Variants in DOCK4 observed in about 807,000 individuals in gnomAD.
The protein encoded by DOCK4 is dedicator of cytokinesis 4, also known as dedicator of cytokinesis protein 4.
A neutral mutation model predicts 268.1 loss-of-function variants in DOCK4; 97 were observed. The ratio of observed to expected loss-of-function variants is 0.36; its 90% CI spans 0.31 to 0.43. The LOEUF (loss-of-function observed/expected upper bound fraction) is 0.43, where lower values mean the gene tolerates loss of function less well. Among genes scored for constraint, DOCK4 ranks in the 20% least tolerant of loss-of-function variants. The pLI is 1.00. For missense variants in DOCK4, 2,145 were observed against 2,455.7 expected (o/e 0.87, Z 2.67); for synonymous variants, 954 against 887.2 (o/e 1.08, Z -1.34).
chr7:112,136,112 G>C (rs895431172), intron 1 of DOCK4, among the ~76,000 whole-genome samples: 4 of 152,076 alleles, frequency 2.6e-5, no homozygotes, highest in Non-Finnish European at 4.4e-5. Flanking sequence ...CAGAAGTTTT[G>C]GCCTCAGTGT....
chr7:111,765,989 A>G (rs1220452360), intron 38 of DOCK4, among the ~76,000 whole-genome samples: 1 of 152,160 alleles, frequency 6.6e-6, no homozygotes, highest in Admixed American at 6.6e-5. Flanking sequence ...GGTTTATAAA[A>G]ATCTTAGTGA....
rs79290231 is a variant in DOCK4, at chr7:111,795,087, A to G, written c.3167-4482T>C. Among the ~76,000 whole-genome samples, 1,018 of 152,130 alleles carry G rather than the reference A, an allele frequency of 6.7e-3. 8 individuals carry two copies. The highest frequency in any genetic ancestry group is 0.01 in the Non-Finnish European group (709 of 68,008). ...TGTGTCATTTGTCCCATATTAATCC[A>G]TCATTCCATGTGGTTGGGATGGGGT... On this transcript the variant is annotated intron_variant, in intron 30 of 52. Transcript: ENST00000428084.
chr7:111,837,857 C>T (rs1439339774), intron 25 of DOCK4, among the ~76,000 whole-genome samples: 15 of 151,980 alleles, frequency 9.9e-5, no homozygotes, highest in East Asian at 7.8e-4. Flanking sequence ...GAGGCTGAGG[C>T]GGGTGAGTCA....
chr7:112,098,657 A>G (rs1810377596), intron 1 of DOCK4, among the ~76,000 whole-genome samples: 1 of 149,598 alleles, frequency 6.7e-6, no homozygotes, highest in Admixed American at 6.7e-5. Flanking sequence ...ATGTAAAATT[A>G]TGTGTAATTT....
At chr7:111,767,481 T>G (rs1311377893) in intron 37 of DOCK4, among the ~76,000 whole-genome samples, 2 of 152,078 alleles carry the variant, frequency 1.3e-5, no homozygotes, top group African/African-American at 2.4e-5. Flanking sequence ...CGCCTCGGCC[T>G]CCCAAAGTGC....
At chr7:112,113,290 T>G (rs1811831820) in intron 1 of DOCK4, among the ~76,000 whole-genome samples, 1 of 152,136 alleles carries the variant, frequency 6.6e-6, no homozygotes, top group African/African-American at 2.4e-5. Flanking sequence ...ACTAGGACCC[T>G]GGTAAAACAG....
intron 27 of DOCK4, chr7:111,819,579 ACT>A (rs1025990655): frequency 2.0e-5 from 3 of 152,204 alleles, no homozygotes; most frequent in African/African-American, 7.2e-5. Flanking sequence ...CTGGTCACAA[ACT>A]CTGGCAGAGC....
chr7:111,814,710 G>A (rs1236449358), intron 27 of DOCK4, among the ~76,000 whole-genome samples: 1 of 152,100 alleles, frequency 6.6e-6, no homozygotes, highest in African/African-American at 2.4e-5. Flanking sequence ...CTGACTTCTG[G>A]AATATTAGGA....
At chr7:112,188,803 A>C (rs1002929270) in intron 1 of DOCK4, among the ~76,000 whole-genome samples, 1 of 152,238 alleles carries the variant, frequency 6.6e-6, no homozygotes, top group Non-Finnish European at 1.5e-5. Context: ...TTGTTGTTCA[A>C]ATAAATGCTC....
chr7:112,087,917 T>A (rs906016677), intron 1 of DOCK4, among the ~76,000 whole-genome samples: 3 of 152,104 alleles, frequency 2.0e-5, no homozygotes, highest in Non-Finnish European at 2.9e-5. Flanking sequence ...AGATTTGTAA[T>A]TACTACTCCA....
chr7:111,913,471 G>A (rs1161049395), intron 13 of DOCK4, among the ~76,000 whole-genome samples: 27 of 147,458 alleles, frequency 1.8e-4, no homozygotes, highest in African/African-American at 4.3e-4. Flanking sequence ...GTGCAGTGGC[G>A]CGATCTCCGC....
chr7:112,192,023 A>G (rs1448288925), intron 1 of DOCK4, among the ~76,000 whole-genome samples: 1 of 148,426 alleles, frequency 6.7e-6, no homozygotes, highest in Admixed American at 6.8e-5. Context: ...TAACTTAAAC[A>G]TAGTATAATT....
intron 5 of DOCK4, among the ~76,000 whole-genome samples, chr7:111,989,963 A>G (rs370335648): frequency 2.6e-5 from 4 of 152,232 alleles, no homozygotes; most frequent in African/African-American, 9.6e-5. Flanking sequence ...ACAGTGGCAG[A>G]GAATACCAAC....
intron 30 of DOCK4, among the ~76,000 whole-genome samples, chr7:111,794,631 G>C (rs1799766027): frequency 6.6e-6 from 1 of 152,178 alleles, no homozygotes; most frequent in Non-Finnish European, 1.5e-5. Flanking sequence ...TCTGTTACTT[G>C]TAAGCATTCC....
At chr7:111,781,676 T>C (rs1320126865) in intron 35 of DOCK4, among the ~76,000 whole-genome samples, 1 of 152,058 alleles carries the variant, frequency 6.6e-6, no homozygotes, top group Non-Finnish European at 1.5e-5. Context: ...TAAAGACGGA[T>C]ACCATCATAG....
chr7:112,077,412 C>T (rs1002422889), intron 1 of DOCK4, among the ~76,000 whole-genome samples: 6 of 151,960 alleles, frequency 3.9e-5, no homozygotes, highest in African/African-American at 1.4e-4. Flanking sequence ...TCATTTTATA[C>T]TTTTTATACT....
At chr7:112,142,612 T>C (rs1379470805) in intron 1 of DOCK4, among the ~76,000 whole-genome samples, 2 of 152,200 alleles carry the variant, frequency 1.3e-5, no homozygotes, top group Non-Finnish European at 2.9e-5. Flanking sequence ...GAAAATAATA[T>C]AATGATCCCC....
intron 7 of DOCK4, among the ~76,000 whole-genome samples, chr7:111,978,474 C>T (rs1798374647): frequency 6.6e-6 from 1 of 152,174 alleles, no homozygotes; most frequent in African/African-American, 2.4e-5. Context: ...TCAAGTGATC[C>T]TCCTGCCTCA....
At chr7:111,823,552 G>A (rs571807538) in intron 26 of DOCK4, among the ~76,000 whole-genome samples, 1 of 151,982 alleles carries the variant, frequency 6.6e-6, no homozygotes, top group South Asian at 2.1e-4. Context: ...GGTCAAATGC[G>A]CTATAGCATA....
Sources: allele counts gnomAD v4.1 joint callset (sites outside exome capture counted in the v4.1 genomes callset), GRCh38; gene constraint gnomAD v4.1.1; transcripts MANE v1.5; gene names NCBI Gene and HGNC (gene_info 2026-07-23, HGNC 2026-07-21).